Variants in TEKTIP1 observed in about 807,000 individuals in gnomAD.
TEKTIP1 encodes tektin bundle-interacting protein 1.
the TEKTIP1 span, chr19:3,540,116 GAC>G: frequency 3.5e-5 from 4 of 112,728 alleles, no homozygotes; most frequent in Admixed American, 4.4e-4. Context: ...TTTTTTTTGA[GAC>G]AGTCTCATAC....
At chr19:3,539,392 C>CCTCCTGCTCTTCCT in the TEKTIP1 span, 3 of 624,536 alleles carry the variant, frequency 4.8e-6, no homozygotes, top group South Asian at 5.6e-5. Context: ...ATGTGTGTGA[C>CCTCCTGCTCTTCCT]GTCCCCTCCA....
chr19:3,540,089 C>CTTTTTTTTTTTTTTT, the TEKTIP1 span: 15 of 88,188 alleles, frequency 1.7e-4, no homozygotes, highest in African/African-American at 5.8e-4. Context: ...CATCTCTTTT[C>CTTTTTTTTTTTTTTT]TTTTTTTTTT....
At chr19:3,543,980 C>T in the TEKTIP1 span, 1 of 1,548,082 alleles carries the variant, frequency 6.5e-7, no homozygotes, top group South Asian at 1.2e-5. Flanking sequence ...GCCAGCGGTC[C>T]CCGCCTTCCC....
the TEKTIP1 span, chr19:3,539,206 G>T: frequency 2.6e-6 from 4 of 1,549,374 alleles, no homozygotes; most frequent in South Asian, 4.8e-5. Context: ...GAGGCTGCAC[G>T]GCCCTGTATC....
At chr19:3,543,375 C>T in the TEKTIP1 span, 1 of 1,549,368 alleles carries the variant, frequency 6.5e-7, no homozygotes, top group Non-Finnish European at 8.7e-7. Flanking sequence ...GCCTGGGAAG[C>T]CTGGTACAAC....
chr19:3,542,848 C>T, the TEKTIP1 span: 1 of 1,380,784 alleles, frequency 7.2e-7, no homozygotes, highest in East Asian at 4.4e-5. Flanking sequence ...CTTCCTGGTG[C>T]ACCTCCAGGC....
At chr19:3,543,801 C>G in the TEKTIP1 span, 6 of 1,502,372 alleles carry the variant, frequency 4.0e-6, no homozygotes, top group Non-Finnish European at 5.4e-6. Flanking sequence ...GAGGTGGGGG[C>G]ACATGGTGAC....
At chr19:3,543,681 G>A in the TEKTIP1 span, 1 of 1,532,576 alleles carries the variant, frequency 6.5e-7, no homozygotes, top group Non-Finnish European at 8.8e-7. Flanking sequence ...AAGGAATACG[G>A]TGAGGCTAGG....
the TEKTIP1 span, chr19:3,541,813 G>A: frequency 7.1e-6 from 7 of 984,276 alleles, no homozygotes; most frequent in Admixed American, 2.5e-4. Context: ...ATTCTGTGCT[G>A]TTTTGTTTGT....
the TEKTIP1 span, among the ~76,000 whole-genome samples, chr19:3,540,543 ACCGCGCCTAG>A: frequency 6.7e-6 from 1 of 149,838 alleles, no homozygotes; most frequent in South Asian, 2.2e-4. Flanking sequence ...GGCGTGAGGC[ACCGCGCCTAG>A]CTGTGAGACC....
chr19:3,542,286 T>C, the TEKTIP1 span: 2 of 985,414 alleles, frequency 2.0e-6, no homozygotes, highest in African/African-American at 3.5e-5. Flanking sequence ...TGTGGGCACC[T>C]GGGAGTCTAG....
chr19:3,542,249 G>A, the TEKTIP1 span: 1 of 985,332 alleles, frequency 1.0e-6, no homozygotes, highest in Non-Finnish European at 1.2e-6. Flanking sequence ...AACAGGCTCT[G>A]TAACTGACCA....
At chr19:3,543,648 G>C in the TEKTIP1 span, 1 of 1,543,582 alleles carries the variant, frequency 6.5e-7, no homozygotes, top group Non-Finnish European at 8.7e-7. Context: ...AGCGCGCTGT[G>C]GAAAGACAGG....
the TEKTIP1 span, among the ~76,000 whole-genome samples, chr19:3,540,772 G>A: frequency 6.6e-6 from 1 of 151,244 alleles, no homozygotes; most frequent in African/African-American, 2.4e-5. Flanking sequence ...CCAGCTACTT[G>A]GGAGGCTGAG....
At chr19:3,542,431 A>G in the TEKTIP1 span, 33 of 985,368 alleles carry the variant, frequency 3.3e-5, no homozygotes, top group Non-Finnish European at 4.0e-5. Flanking sequence ...TCCTTGGGAC[A>G]TATTCCCAAG....
chr19:3,539,252 G>T, the TEKTIP1 span: 30 of 1,548,168 alleles, frequency 1.9e-5, no homozygotes, highest in Non-Finnish European at 2.4e-5. Flanking sequence ...TCCCAGCACC[G>T]CTGTACAGGT....
At chr19:3,543,145 T>A in the TEKTIP1 span, 1 of 1,513,026 alleles carries the variant, frequency 6.6e-7, no homozygotes, top group Non-Finnish European at 8.8e-7. Flanking sequence ...GGGCCAGGCC[T>A]CTACATCATC....
At chr19:3,543,317 C>A in the TEKTIP1 span, 2 of 1,549,316 alleles carry the variant, frequency 1.3e-6, no homozygotes, top group Middle Eastern at 3.6e-4. Flanking sequence ...GCCCATGGGA[C>A]GGGACGCAGC....
At chr19:3,541,698 G>T in the TEKTIP1 span, 1 of 985,176 alleles carries the variant, frequency 1.0e-6, no homozygotes, top group South Asian at 4.7e-5. Flanking sequence ...ACGGGGGTGA[G>T]TGCATGTACC....
Sources: allele counts gnomAD v4.1 joint callset (sites outside exome capture counted in the v4.1 genomes callset), GRCh38; gene constraint gnomAD v4.1.1; transcripts MANE v1.5; gene names NCBI Gene and HGNC (gene_info 2026-07-23, HGNC 2026-07-21).